Variants in MPHOSPH10 observed in about 807,000 individuals in gnomAD.
The protein encoded by MPHOSPH10 is U3 small nucleolar ribonucleoprotein MPP10.
In MPHOSPH10, 33 loss-of-function variants were observed where a neutral mutation model predicts 77.3. The observed-to-expected ratio is 0.43, with a 90% confidence interval of 0.32 to 0.57. The LOEUF (loss-of-function observed/expected upper bound fraction) is 0.57, where lower values mean the gene tolerates loss of function less well. Among genes scored for constraint, MPHOSPH10 ranks in the 20% least tolerant of loss-of-function variants. The probability of loss-of-function intolerance (pLI) is 0.07; values close to 1 mark genes in which losing one functional copy is unlikely to be tolerated. For missense variants in MPHOSPH10, 708 were observed against 780.1 expected, an observed-to-expected ratio of 0.91 and a Z score of 1.10; for synonymous variants, 245 against 268.0, an observed-to-expected ratio of 0.91 and a Z score of 0.84.
rs986514719 is a variant in MPHOSPH10, at chr2:71,138,837, C to G, written c.1240+206C>G. ...ATCACCTGAGGTCAGGAGTTTGAGA[C>G]CAGCCTGGCCAACATGGTGAAACCC... On this transcript the variant is annotated intron_variant, in intron 5 of 10. Transcript: ENST00000244230. The G allele has an allele frequency of 2.8e-4, 190 of 687,080 alleles. 2 individuals carry two copies. The highest frequency in any genetic ancestry group is 2.7e-4 in the East Asian group (10 of 37,020). 42.6% of individuals were successfully genotyped at this position (687,080 alleles called of 1,614,324 possible). A position where few individuals can be genotyped will look rare whatever the true frequency, so the allele number is the denominator to read the frequency against.
chr2:71,137,656 C>CAAAA (rs60072810), intron 4 of MPHOSPH10, among the ~76,000 whole-genome samples: 15 of 46,282 alleles, frequency 3.2e-4, no homozygotes, highest in African/African-American at 1.0e-3. Flanking sequence ...GAGACTGTCT[C>CAAAA]AAAAAAAAAA....
intron 9 of MPHOSPH10, 77 bp downstream of exon 9, chr2:71,148,183 C>T (rs1284539341): frequency 1.6e-6 from 2 of 1,274,734 alleles, no homozygotes; most frequent in African/African-American, 1.5e-5. Flanking sequence ...TATTTGACGT[C>T]ATTTGCCTTG....
intron 1 of MPHOSPH10, among the ~76,000 whole-genome samples, chr2:71,132,503 T>C (rs1283672132): frequency 6.6e-6 from 1 of 152,198 alleles, no homozygotes; most frequent in Non-Finnish European, 1.5e-5. Flanking sequence ...TATCTGTAGG[T>C]TTCCTCTCAG....
At chr2:71,145,992 T>C (rs1189245570) in intron 8 of MPHOSPH10, among the ~76,000 whole-genome samples, 6 of 152,246 alleles carry the variant, frequency 3.9e-5, no homozygotes, top group African/African-American at 1.4e-4. Context: ...CTCCTTTTCC[T>C]CATAGCTGCA....
chr2:71,132,952 C>T lies in MPHOSPH10; in HGVS notation c.144C>T (p.Asp48=). 5.0e-6 allele frequency: 8 copies of T among 1,613,482 alleles called. No individual in the cohort carries two copies. Among genetic ancestry groups the T allele is most frequent in the Non-Finnish European group, 6.8e-6 (8 of 1,179,800 alleles). ...KFTSLTKVLY[D]FNKILENGRI... is the part of the protein sequence containing the mutation. ...CTTCTTTAACAAAAGTGCTTTATGA[C>T]TTTAATAAAATATTAGAGAATGGTA... Residue 48 remains aspartate (D), a synonymous_variant, in exon 2 of 11, where the codon GAC becomes GAT. Coordinates refer to ENST00000244230, the MANE Select transcript of MPHOSPH10 (RefSeq NM_005791.3).
chr2:71,135,106 C>T (rs572368026), intron 4 of MPHOSPH10, among the ~76,000 whole-genome samples: 3 of 152,184 alleles, frequency 2.0e-5, no homozygotes, highest in Non-Finnish European at 1.5e-5. Context: ...GTTGATGCTG[C>T]GGTGAGCTAA....
At position 71,138,614 on chromosome 2, in the gene MPHOSPH10, A is replaced by G. The variant is rs775308855; in HGVS notation, c.1223A>G (p.Asp408Gly). 5.0e-6 allele frequency: 8 copies of G among 1,614,162 alleles called. No individual in the cohort carries two copies. The highest frequency in any genetic ancestry group is 6.8e-6 in the Non-Finnish European group (8 of 1,180,034). Residue 408 changes from aspartate (D) to glycine (G), a missense_variant, in exon 5 of 11, where the codon GAC (aspartate) becomes GGC (glycine). Asp to Gly is a moderately conservative substitution (Grantham distance 94). This residue lies in a region of MPHOSPH10 where 263 missense variants were observed against 320.0 expected (regional missense o/e 0.82). Coordinates refer to ENST00000244230, the MANE Select transcript of MPHOSPH10 (RefSeq NM_005791.3). ...NSLLEETLHF[D>G]HAVRMAPVIT... is the part of the protein sequence containing the mutation. Reference sequence around the variant, plus strand: ...CTCCTGGAGGAGACCCTACACTTTGACCATGCTGTCCGGATGGGTATGGTG... The same window carrying G: ...CTCCTGGAGGAGACCCTACACTTTGGCCATGCTGTCCGGATGGGTATGGTG...
intron 8 of MPHOSPH10, among the ~76,000 whole-genome samples, chr2:71,144,853 A>G (rs1021458671): frequency 5.9e-5 from 9 of 152,168 alleles, no homozygotes; most frequent in African/African-American, 1.9e-4. Context: ...TCCTTTCCCT[A>G]CCCTCTCAGT....
Position 71,149,863 on chromosome 2 carries a change from C to T in MPHOSPH10, c.1897-3C>T. ...CATAAGCATGTGGTGTTTTTAATTG[C>T]AGGATGAAGGTAAAGACAAGGCCTT... On this transcript the variant is annotated splice_polypyrimidine_tract_variant and splice_region_variant and intron_variant, in intron 10 of 10. Transcript: ENST00000244230. The T allele has an allele frequency of 6.6e-7, 1 of 1,522,280 alleles. No individual in the cohort carries two copies. Among genetic ancestry groups the T allele is most frequent in the South Asian group, 1.3e-5 (1 of 74,862 alleles). The allele number at this position is 1,522,280 out of a possible 1,614,324, so 94.3% of individuals were successfully genotyped here.
chr2:71,134,176 T>G (rs149506545), intron 3 of MPHOSPH10, 71 bp downstream of exon 3: 91 of 1,427,620 alleles, frequency 6.4e-5, no homozygotes, highest in Admixed American at 1.1e-4. Flanking sequence ...CTCGTAGTTA[T>G]CAAATGTGTT....
rs1360904419 is a variant in MPHOSPH10, at chr2:71,133,305, T to G, written c.497T>G (p.Phe166Cys). 4 of 1,614,012 alleles carry G rather than the reference T, an allele frequency of 2.5e-6. No individual in the cohort carries two copies. The African/African-American group carries it at 5.3e-5, about 22-fold the overall frequency. ...SKSDLRKSPV[F>C]SDEDSDLDFD... ...TCTGATCTGAGGAAAAGCCCCGTTT[T>G]CAGTGATGAGGATTCTGACCTTGAC... The change falls in exon 2 of 11, where the codon TTC becomes TGC. Residue 166 changes from phenylalanine (F) to cysteine (C), a missense_variant. Phe to Cys is a radical substitution (Grantham distance 205). Around this residue, in one of 3 missense-constraint regions of MPHOSPH10, gnomAD observed 433 missense variants for 432.6 expected, o/e 1.00. Transcript: ENST00000244230.
At position 71,132,931 on chromosome 2, in the gene MPHOSPH10, T is replaced by C. The variant is rs1444323003; in HGVS notation, c.123T>C (p.Ser41=). 6.2e-7 allele frequency: 1 copy of C among 1,611,402 alleles called. No homozygotes were observed. The highest frequency in any genetic ancestry group is 8.5e-7 in the Non-Finnish European group (1 of 1,178,454). ...AGGGATTGGCATCAAAGTTCACTTC[T>C]TTAACAAAAGTGCTTTATGACTTTA... ...IQEGLASKFT[S]LTKVLYDFNK... Residue 41 remains serine (S), a synonymous_variant, in exon 2 of 11, where the codon TCT becomes TCC. Transcript: ENST00000244230.
At chr2:71,149,482 A>T in intron 10 of MPHOSPH10, 29 bp downstream of exon 10, 2 of 1,585,414 alleles carry the variant, frequency 1.3e-6, no homozygotes, top group Non-Finnish European at 1.7e-6. Context: ...AAACTGCTCA[A>T]GGGGACCTTT....
Position 71,149,439 on chromosome 2 carries a change from G to C in MPHOSPH10, c.1882G>C (p.Ala628Pro). ...KLKQLTKTGKASFIKDEGKDK... is the reference protein window; with the variant it reads ...KLKQLTKTGKPSFIKDEGKDK... The stretch of plus-strand genomic sequence containing the variant: ...AAAACAGCTGACCAAAACTGGCAAA[G>C]CTTCCTTCATAAAGGTAAGGACAAG... The change falls in exon 10 of 11, where the codon GCT becomes CCT. Residue 628 changes from alanine (A) to proline (P), a missense_variant. Ala to Pro is a conservative substitution (Grantham distance 27). Transcript: ENST00000244230. 1 of 1,613,630 alleles carries C rather than the reference G, an allele frequency of 6.2e-7. No homozygotes were observed. The highest frequency in any genetic ancestry group is 2.2e-5 in the East Asian group (1 of 44,876).
In MPHOSPH10 at chr2:71,138,551, A is replaced by G. The variant is rs1251981913; in HGVS notation, c.1160A>G (p.Gln387Arg). The G allele has an allele frequency of 6.2e-7, 1 of 1,611,484 alleles. No individual in the cohort carries two copies. Among genetic ancestry groups the G allele is most frequent in the Non-Finnish European group, 8.5e-7 (1 of 1,179,234 alleles). Residue 387 changes from glutamine (Q) to arginine (R), a missense_variant, in exon 5 of 11, where the codon CAG becomes CGG. This residue lies in a region of MPHOSPH10 where 12 missense variants were observed against 27.6 expected (regional missense o/e 0.44). Coordinates refer to ENST00000244230, the MANE Select transcript of MPHOSPH10 (RefSeq NM_005791.3). ...TTAGAAAAAAAGCCGTGGCAGCTTC[A>G]GGGGGAAGTGACAGCACAGAAGAGG... The part of the protein sequence containing the change: ...ELLEKKPWQL[Q>R]GEVTAQKRPE...
intron 1 of MPHOSPH10, 132 bp downstream of exon 1, chr2:71,130,886 G>A: frequency 1.2e-6 from 1 of 818,552 alleles, no homozygotes. Context: ...AAATTTCAGA[G>A]TTTATGCTTT....
chr2:71,133,829 T>G, intron 2 of MPHOSPH10, 119 bp from the exon 3 acceptor site: 2 of 889,430 alleles, frequency 2.2e-6, no homozygotes, highest in Non-Finnish European at 3.3e-6. Flanking sequence ...AGTTATTAGC[T>G]TGTAGTGTTA....
chr2:71,136,653 G>GA (rs1264639323), intron 4 of MPHOSPH10, among the ~76,000 whole-genome samples: 3 of 151,742 alleles, frequency 2.0e-5, no homozygotes, highest in East Asian at 1.9e-4. Flanking sequence ...AATTCTAAGG[G>GA]AAAAAAAGCA....
Position 71,131,025 on chromosome 2 carries a change from A to C in MPHOSPH10, c.89+271A>C, listed in dbSNP as rs114674469. The stretch of plus-strand genomic sequence containing the variant: ...CTTCCCTTGGGCTTCTTACGCCCCC[A>C]TCCCTCTACACACAGACTGTTGGTT... On this transcript the variant is annotated intron_variant, in intron 1 of 10. Transcript: ENST00000244230. Among the ~76,000 whole-genome samples, 920 of 151,832 alleles carry C rather than the reference A, an allele frequency of 6.1e-3. 5 individuals are homozygous for C. The highest frequency in any genetic ancestry group is 0.021 in the African/African-American group (883 of 41,360).
Sources: allele counts gnomAD v4.1 joint callset (sites outside exome capture counted in the v4.1 genomes callset), GRCh38; gene constraint gnomAD v4.1.1; regional missense constraint gnomAD v4.1.1; transcripts MANE v1.5; gene names NCBI Gene and HGNC (gene_info 2026-07-23, HGNC 2026-07-21).